The following MAP4 variants were observed in gnomAD, a reference collection of about 807,000 sequenced individuals.
MAP4 encodes microtubule-associated protein 4.
A neutral mutation model predicts 170.2 loss-of-function variants in MAP4; 76 were observed. The observed-to-expected ratio is 0.45, with a 90% CI of 0.37 to 0.54. The LOEUF is 0.54. MAP4 is among the 20% of genes least tolerant of loss of function. MAP4 has a pLI of 0.00. For missense variants in MAP4, 2,506 were observed against 2,748.0 expected (o/e 0.91, Z 1.97); for synonymous variants, 909 against 994.5 (o/e 0.91, Z 1.62).
At chr3:47,978,103 T>A (rs1014015446) in intron 2 of MAP4, among the ~76,000 whole-genome samples, 170 bp from the exon 3 acceptor site, 5 of 152,198 alleles carry the variant, frequency 3.3e-5, no homozygotes, top group Non-Finnish European at 7.3e-5. Context: ...GAAACAGAAC[T>A]GAACAGAATC....
At chr3:47,990,047 A>G (rs1368703353) in intron 2 of MAP4, among the ~76,000 whole-genome samples, 10 of 152,216 alleles carry the variant, frequency 6.6e-5, no homozygotes. Context: ...GAACCTGAGA[A>G]GGCATGTGTG....
In MAP4 at chr3:47,910,868, C is replaced by T; in HGVS notation, c.3553G>A (p.Val1185Ile). The T allele has an allele frequency of 6.5e-7, 1 of 1,536,122 alleles. No individual in the cohort carries two copies. Among genetic ancestry groups the T allele is most frequent in the Non-Finnish European group, 8.7e-7 (1 of 1,146,912 alleles). The change falls in exon 9 of 21, where the codon GTC (valine) becomes ATC (isoleucine). Residue 1185 changes from valine to isoleucine, a missense_variant. Val to Ile is a conservative substitution (Grantham distance 29). Transcript: ENST00000683076. ...CTTCCTTCCTTGCTCTGGTTATTGA[C>T]ACCCATATCTTTGACTACATCTCCT... The part of the protein sequence containing the change: ...ETGDVVKDMG[V>I]NNQSKEGRCP...
At chr3:47,987,322 A>T in intron 2 of MAP4, 2 of 1,248,334 alleles carry the variant, frequency 1.6e-6, no homozygotes, top group Non-Finnish European at 2.2e-6. Context: ...CAAATAGCTT[A>T]ATTATGATCT....
chr3:48,016,670 A>AT (rs905505916), upstream of MAP4, among the ~76,000 whole-genome samples: 4 of 152,112 alleles, frequency 2.6e-5, no homozygotes, highest in Admixed American at 6.6e-5. Flanking sequence ...AAAAAGGAGC[A>AT]TTTTTTTTAA....
intron 3 of MAP4, among the ~76,000 whole-genome samples, chr3:47,936,781 G>C (rs1486012241): frequency 6.6e-6 from 1 of 151,856 alleles, no homozygotes; most frequent in Non-Finnish European, 1.5e-5. Flanking sequence ...AAGAGTTCAA[G>C]ACCAGCCTGG....
chr3:48,066,662 A>G (rs2100138362), intron 1 of MAP4, among the ~76,000 whole-genome samples: 2 of 151,916 alleles, frequency 1.3e-5, no homozygotes, highest in Admixed American at 1.3e-4. Context: ...ATCGCAGGAC[A>G]TGCAGAGGTA....
chr3:48,052,500 G>A (rs959155854), intron 1 of MAP4, among the ~76,000 whole-genome samples: 3 of 152,194 alleles, frequency 2.0e-5, no homozygotes, highest in African/African-American at 7.2e-5. Context: ...GGGATTACTG[G>A]TGTGAGCCAC....
rs573960293 is a variant in MAP4, at chr3:47,930,699, T to C, written c.293-2349A>G. The stretch of plus-strand genomic sequence containing the variant: ...ATCCCAGCACTTTGGGAGGCCAAGG[T>C]GGGCGGATCACAAGGTCAGGAAATC... On this transcript the variant is annotated intron_variant, in intron 3 of 20. Transcript: ENST00000683076. Among the ~76,000 whole-genome samples, 5 of 150,470 alleles carry C rather than the reference T, an allele frequency of 3.3e-5. No homozygotes were observed. The South Asian group carries it at 8.4e-4, about 25-fold the overall frequency.
intron 9 of MAP4, among the ~76,000 whole-genome samples, chr3:47,904,440 T>C (rs1490777112): frequency 6.6e-6 from 1 of 151,204 alleles, no homozygotes; most frequent in Non-Finnish European, 1.5e-5. Context: ...GCCTCCTGAG[T>C]AGCTGGGATT....
chr3:47,932,077 T>C (rs1452768883), intron 3 of MAP4, among the ~76,000 whole-genome samples: 3 of 152,206 alleles, frequency 2.0e-5, no homozygotes, highest in Non-Finnish European at 4.4e-5. Flanking sequence ...TCCCATATCT[T>C]TTCTCCTTTC....
At chr3:47,979,135 G>C (rs955537453) in intron 2 of MAP4, among the ~76,000 whole-genome samples, 1 of 151,524 alleles carries the variant, frequency 6.6e-6, no homozygotes, top group Non-Finnish European at 1.5e-5. Context: ...TGAGGCCTAC[G>C]GTACATTTTG....
At chr3:48,030,389 G>C (rs2100115401) in intron 1 of MAP4, among the ~76,000 whole-genome samples, 1 of 151,526 alleles carries the variant, frequency 6.6e-6, no homozygotes, top group African/African-American at 2.4e-5. Context: ...AGACTCTTTG[G>C]AGAAATGACT....
intron 1 of MAP4, among the ~76,000 whole-genome samples, chr3:48,061,396 G>A (rs1200093921): frequency 6.6e-6 from 1 of 151,912 alleles, no homozygotes; most frequent in Non-Finnish European, 1.5e-5. Context: ...GGTTTCGCCT[G>A]TTGGCCGGGC....
rs2097028895 is a variant in MAP4, at chr3:47,883,058, A to G, written c.5435-5535T>C. 2.0e-5 allele frequency among the ~76,000 whole-genome samples: 3 copies of G among 152,058 alleles called. No individual in the cohort carries two copies. The South Asian group carries it at 6.2e-4, about 32-fold the overall frequency. ...ACTCCTGGCCTCAGGTGATCCACCCACCTTGGTCTCCAAAAGTGGTGGGAT... is the reference window on the plus strand; with the variant it reads ...ACTCCTGGCCTCAGGTGATCCACCCGCCTTGGTCTCCAAAAGTGGTGGGAT... On this transcript the variant is annotated intron_variant, in intron 10 of 20. Transcript: ENST00000683076.
At chr3:47,898,856 TGAA>T (rs758574103) in intron 10 of MAP4, among the ~76,000 whole-genome samples, 10 of 151,948 alleles carry the variant, frequency 6.6e-5, no homozygotes, top group Non-Finnish European at 1.0e-4. Context: ...CTTGGGAGGC[TGAA>T]GAAGGAGGAT....
intron 10 of MAP4, among the ~76,000 whole-genome samples, chr3:47,889,202 G>A (rs540256838): frequency 6.6e-6 from 1 of 152,218 alleles, no homozygotes; most frequent in Non-Finnish European, 1.5e-5. Flanking sequence ...TATACACAAT[G>A]GCAGCAGCCT....
chr3:47,906,647 C>T (rs1352137561), intron 9 of MAP4, among the ~76,000 whole-genome samples: 1 of 150,396 alleles, frequency 6.6e-6, no homozygotes, highest in Non-Finnish European at 1.5e-5. Context: ...CATGCCATTG[C>T]ACTCCTTCGT....
At chr3:48,011,218 T>C (rs2100105065) in intron 1 of MAP4, among the ~76,000 whole-genome samples, 1 of 152,104 alleles carries the variant, frequency 6.6e-6, no homozygotes, top group African/African-American at 2.4e-5. Context: ...GAACCATAAA[T>C]AGGAATTCAA....
chr3:47,931,389 A>AAAAAGACTG (rs2153834085), intron 3 of MAP4, among the ~76,000 whole-genome samples: 1 of 152,292 alleles, frequency 6.6e-6, no homozygotes, highest in South Asian at 2.1e-4. Flanking sequence ...AAGGCTGTAC[A>AAAAAGACTG]AAAAGACTGA....
Sources: allele counts gnomAD v4.1 joint callset (sites outside exome capture counted in the v4.1 genomes callset), GRCh38; gene constraint gnomAD v4.1.1; transcripts MANE v1.5; gene names NCBI Gene and HGNC (gene_info 2026-07-23, HGNC 2026-07-21).